The following CORIN variants were observed in gnomAD, a reference collection of about 807,000 sequenced individuals.
The protein encoded by CORIN is atrial natriuretic peptide-converting enzyme.
CORIN carries 117 observed loss-of-function variants against 125.3 expected under a neutral mutation model. The ratio of observed to expected loss-of-function variants is 0.93; its 90% CI spans 0.80 to 1.09. CORIN has a LOEUF of 1.09. Ranked by LOEUF, CORIN falls within the 50% of genes least tolerant of loss-of-function variation. The pLI, the probability that CORIN is intolerant of heterozygous loss-of-function variation, is 0.00. For missense variants in CORIN, 1,253 were observed against 1,306.7 expected (o/e 0.96, Z 0.63); for synonymous variants, 450 against 466.4 (o/e 0.96, Z 0.45).
At chr4:47,821,437 T>C (rs1445272502) in intron 1 of CORIN, among the ~76,000 whole-genome samples, 2 of 151,216 alleles carry the variant, frequency 1.3e-5, no homozygotes, top group African/African-American at 4.8e-5. Context: ...CTTCCCCGCT[T>C]CTTTCCACTG....
At chr4:47,799,024 A>G (rs967250605) in intron 2 of CORIN, among the ~76,000 whole-genome samples, 3 of 152,028 alleles carry the variant, frequency 2.0e-5, no homozygotes, top group Non-Finnish European at 2.9e-5. Context: ...TAATTTGCTT[A>G]AGCTAATGGC....
chr4:47,683,967 T>C (rs1327683784), intron 6 of CORIN, 129 bp from the exon 7 acceptor site: 2 of 627,912 alleles, frequency 3.2e-6, no homozygotes, highest in Non-Finnish European at 5.4e-6. Context: ...TATTGTTTTA[T>C]AGGTGAGAAG....
At chr4:47,731,519 G>C (rs559820000) in intron 5 of CORIN, among the ~76,000 whole-genome samples, 3 of 152,258 alleles carry the variant, frequency 2.0e-5, no homozygotes, top group Admixed American at 2.0e-4. Context: ...CAAAGAAAGA[G>C]GAAAACCCAA....
intron 5 of CORIN, among the ~76,000 whole-genome samples, chr4:47,724,455 G>T (rs557022477): frequency 6.6e-6 from 1 of 152,078 alleles, no homozygotes; most frequent in East Asian, 1.9e-4. Context: ...AATGAGATTT[G>T]TACAGAAGAA....
chr4:47,736,849 C>T (rs577905937), intron 5 of CORIN, among the ~76,000 whole-genome samples: 86 of 152,206 alleles, frequency 5.7e-4, no homozygotes, highest in African/African-American at 1.9e-3. Context: ...TCCACAAAGG[C>T]GAAGAGACAA....
chr4:47,686,275 T>A (rs559866229), intron 6 of CORIN, among the ~76,000 whole-genome samples: 5 of 152,086 alleles, frequency 3.3e-5, no homozygotes, highest in Middle Eastern at 3.4e-3. Flanking sequence ...AAGGTGTGTA[T>A]GTGCACAGAC....
At chr4:47,817,705 A>G (rs553729214) in intron 1 of CORIN, among the ~76,000 whole-genome samples, 30 of 152,340 alleles carry the variant, frequency 2.0e-4, no homozygotes, top group Admixed American at 1.7e-3. Flanking sequence ...CCCAAATTCT[A>G]TTCCTCCTTA....
At chr4:47,623,096 C>CTCTCTATATATATATATA (rs771867590) in intron 19 of CORIN, among the ~76,000 whole-genome samples, 26 of 102,278 alleles carry the variant, frequency 2.5e-4, no homozygotes, top group Non-Finnish European at 4.7e-4. Flanking sequence ...CTCTCTCTCT[C>CTCTCTATATATATATATA]TATATATATA....
chr4:47,620,806 G>C (rs1376401688), intron 19 of CORIN, among the ~76,000 whole-genome samples: 2 of 152,184 alleles, frequency 1.3e-5, no homozygotes, highest in Non-Finnish European at 2.9e-5. Context: ...GTGAGGTAGG[G>C]ATTATTATTT....
At chr4:47,738,167 T>C (rs1030373836) in intron 5 of CORIN, among the ~76,000 whole-genome samples, 1 of 152,132 alleles carries the variant, frequency 6.6e-6, no homozygotes, top group African/African-American at 2.4e-5. Context: ...CCCATGAATG[T>C]GCAGGACTAT....
At chr4:47,697,255 G>A (rs1419754533) in intron 5 of CORIN, among the ~76,000 whole-genome samples, 2 of 152,154 alleles carry the variant, frequency 1.3e-5, no homozygotes, top group Admixed American at 6.5e-5. Flanking sequence ...AAAGACAAGA[G>A]GTGAGAAAGG....
intron 9 of CORIN, among the ~76,000 whole-genome samples, chr4:47,675,245 C>T (rs572519169): frequency 6.3e-4 from 96 of 152,290 alleles, no homozygotes; most frequent in African/African-American, 2.2e-3. Flanking sequence ...TCCCCCATTA[C>T]GATCAATTAC....
chr4:47,779,953 C>T (rs1730467371), intron 3 of CORIN, among the ~76,000 whole-genome samples: 1 of 152,010 alleles, frequency 6.6e-6, no homozygotes, highest in Admixed American at 6.5e-5. Flanking sequence ...GGTCATCATC[C>T]AAATCATTTT....
At chr4:47,828,180 C>T (rs891336791) in intron 1 of CORIN, among the ~76,000 whole-genome samples, 1 of 152,122 alleles carries the variant, frequency 6.6e-6, no homozygotes, top group Non-Finnish European at 1.5e-5. Context: ...TTCCCAATTC[C>T]TGACACAGGA....
At chr4:47,629,458 G>GT (rs564496868) in intron 16 of CORIN, among the ~76,000 whole-genome samples, 11 of 151,986 alleles carry the variant, frequency 7.2e-5, no homozygotes, top group Admixed American at 6.6e-4. Context: ...TGGATATATG[G>GT]TTTTTTTAAA....
intron 19 of CORIN, among the ~76,000 whole-genome samples, chr4:47,610,087 T>G (rs1024438280): frequency 2.0e-5 from 3 of 152,254 alleles, no homozygotes; most frequent in Admixed American, 2.0e-4. Context: ...ATCTTCATAA[T>G]AGAATGACTT....
chr4:47,784,286 C>T (rs1730688571), intron 3 of CORIN, among the ~76,000 whole-genome samples: 1 of 152,156 alleles, frequency 6.6e-6, no homozygotes, highest in African/African-American at 2.4e-5. Flanking sequence ...TAACAGTATA[C>T]TGAGAGTCTA....
intron 4 of CORIN, 103 bp downstream of exon 4, chr4:47,763,276 T>C: frequency 1.2e-6 from 1 of 866,148 alleles, no homozygotes; most frequent in Non-Finnish European, 1.8e-6. Flanking sequence ...ATGTGGCTAA[T>C]AACAACCAAA....
At chr4:47,785,989 T>C (rs1157903681) in intron 3 of CORIN, among the ~76,000 whole-genome samples, 2 of 150,386 alleles carry the variant, frequency 1.3e-5, no homozygotes, top group East Asian at 4.0e-4. Context: ...GAATTGGTCC[T>C]CCTGCAAGGG....
Sources: gnomAD v4.1 joint callset for allele counts (sites outside exome capture counted in the v4.1 genomes callset) on GRCh38, gnomAD v4.1.1 for gene constraint, MANE v1.5 for transcripts, NCBI Gene and HGNC (gene_info 2026-07-23, HGNC 2026-07-21) for gene names.